Variants in TSNARE1 observed in about 807,000 individuals in gnomAD.
The protein encoded by TSNARE1 is t-SNARE domain-containing protein 1.
In TSNARE1, 49 loss-of-function variants were observed where a neutral mutation model predicts 62.0. The ratio of observed to expected loss-of-function variants is 0.79; its 90% confidence interval spans 0.63 to 1.00. The LOEUF (loss-of-function observed/expected upper bound fraction) is 1.00, where lower values mean the gene tolerates loss of function less well. Ranked by LOEUF, TSNARE1 falls within the 50% of genes least tolerant of loss-of-function variation. The pLI, the probability that TSNARE1 is intolerant of heterozygous loss-of-function variation, is 0.00. For synonymous variants in TSNARE1, 328 were observed against 294.4 expected (o/e 1.11, Z -1.17); for missense variants, 755 against 700.1 (o/e 1.08, Z -0.88).
At chr8:142,360,707 G>A (rs577509646) in intron 1 of TSNARE1, among the ~76,000 whole-genome samples, 117 of 152,224 alleles carry the variant, frequency 7.7e-4, no homozygotes, top group Non-Finnish European at 1.5e-3. Flanking sequence ...AAGCGGCGGT[G>A]CCAGGGAACA....
At chr8:142,261,478 C>A (rs1225480150) in intron 12 of TSNARE1, among the ~76,000 whole-genome samples, 2 of 151,816 alleles carry the variant, frequency 1.3e-5, no homozygotes, top group Non-Finnish European at 2.9e-5. Flanking sequence ...CTGCTGGGAA[C>A]TCAGCACATG....
chr8:142,259,229 C>T (rs1818740454), intron 12 of TSNARE1, among the ~76,000 whole-genome samples: 2 of 152,248 alleles, frequency 1.3e-5, no homozygotes, highest in South Asian at 2.1e-4. Context: ...TGTCTCTACC[C>T]TTCCCTCAGC....
At chr8:142,257,022 C>A (rs945776575) in intron 12 of TSNARE1, among the ~76,000 whole-genome samples, 1 of 152,208 alleles carries the variant, frequency 6.6e-6, no homozygotes, top group African/African-American at 2.4e-5. Context: ...AATTCCCCAC[C>A]ACTTCCAAAC....
intron 7 of TSNARE1, among the ~76,000 whole-genome samples, chr8:142,316,716 T>A (rs1045543769): frequency 6.6e-6 from 1 of 151,734 alleles, no homozygotes. Flanking sequence ...ACAGATTGCA[T>A]TTTCTGGATG....
intron 10 of TSNARE1, among the ~76,000 whole-genome samples, chr8:142,289,520 AC>A (rs1407364257): frequency 6.6e-6 from 1 of 151,990 alleles, no homozygotes; most frequent in Non-Finnish European, 1.5e-5. Flanking sequence ...AGCCCCAGAA[AC>A]CCAGGTCCTG....
chr8:142,327,887 G>A (rs934547104), intron 6 of TSNARE1, among the ~76,000 whole-genome samples: 3 of 152,102 alleles, frequency 2.0e-5, no homozygotes, highest in African/African-American at 4.8e-5. Context: ...CACTGCCATC[G>A]CTGCATGCTG....
Position 142,243,551 on chromosome 8 carries a change from T to C in TSNARE1, c.1447-13972A>G, listed in dbSNP as rs577416139. Among the ~76,000 whole-genome samples, 480 of 146,336 alleles carry C rather than the reference T, an allele frequency of 3.3e-3. 1 individual carries two copies. Among genetic ancestry groups the C allele is most frequent in the Non-Finnish European group, 4.8e-3 (321 of 66,894 alleles). On this transcript the variant is annotated intron_variant, in intron 12 of 13. Coordinates refer to ENST00000524325, the MANE Select transcript of TSNARE1 (RefSeq NM_145003.5). ...TTATACGTAAAATCTAAAAAAAACC[T>C]GAACTCACAGAAGCAGAGAGGGGGA...
chr8:142,355,000 T>G (rs570178450), intron 1 of TSNARE1, among the ~76,000 whole-genome samples: 1 of 151,090 alleles, frequency 6.6e-6, no homozygotes, highest in African/African-American at 2.4e-5. Flanking sequence ...AAACACAGCC[T>G]GAGGAAGGTG....
chr8:142,375,073 C>A (rs1434341619), intron 1 of TSNARE1, among the ~76,000 whole-genome samples: 1 of 152,248 alleles, frequency 6.6e-6, no homozygotes, highest in Admixed American at 6.5e-5. Context: ...CAGTACCCAA[C>A]CAGAAGAAAC....
At chr8:142,274,727 G>T in intron 12 of TSNARE1, 54 bp downstream of exon 12, 1 of 1,438,570 alleles carries the variant, frequency 7.0e-7, no homozygotes, top group South Asian at 1.5e-5. Context: ...AGGGTTGGAG[G>T]ATAGGGGACG....
chr8:142,247,555 T>A (rs1052822261), intron 12 of TSNARE1: 1 of 152,268 alleles, frequency 6.6e-6, no homozygotes, highest in Non-Finnish European at 1.5e-5. Flanking sequence ...GGACAAAACA[T>A]GTCTTGAGTC....
intron 1 of TSNARE1, among the ~76,000 whole-genome samples, chr8:142,357,544 GC>G (rs989182679): frequency 2.6e-5 from 4 of 152,204 alleles, no homozygotes; most frequent in African/African-American, 7.2e-5. Flanking sequence ...AGGAACCAGG[GC>G]CCGGGAGGGA....
intron 13 of TSNARE1, among the ~76,000 whole-genome samples, chr8:142,227,989 C>G (rs1419492519): frequency 1.3e-5 from 2 of 152,222 alleles, no homozygotes; most frequent in African/African-American, 2.4e-5. Context: ...TGGCATCCAC[C>G]CTGTTCCCTT....
intron 2 of TSNARE1, among the ~76,000 whole-genome samples, chr8:142,349,324 A>T (rs1261275985): frequency 1.3e-5 from 2 of 152,268 alleles, no homozygotes; most frequent in African/African-American, 4.8e-5. Context: ...AAAAAAATTT[A>T]AAATACTATA....
intron 12 of TSNARE1, among the ~76,000 whole-genome samples, chr8:142,253,309 A>G (rs1348756563): frequency 1.3e-5 from 2 of 152,220 alleles, no homozygotes; most frequent in Admixed American, 1.3e-4. Context: ...GGCACAGGCC[A>G]GCGTGCGTGC....
intron 10 of TSNARE1, among the ~76,000 whole-genome samples, chr8:142,298,898 TG>T (rs1164098572): frequency 6.6e-6 from 1 of 152,154 alleles, no homozygotes; most frequent in Non-Finnish European, 1.5e-5. Flanking sequence ...TCCACTCCTC[TG>T]GGAACAGTGG....
chr8:142,269,912 G>C (rs1036830514), intron 12 of TSNARE1: 1 of 985,326 alleles, frequency 1.0e-6, no homozygotes, highest in African/African-American at 1.7e-5. Context: ...TGGCTCCAGG[G>C]GAAAACGCAA....
intron 12 of TSNARE1, among the ~76,000 whole-genome samples, chr8:142,255,165 G>A (rs1052573955): frequency 1.3e-5 from 2 of 152,122 alleles, no homozygotes; most frequent in Non-Finnish European, 2.9e-5. Flanking sequence ...CCATGAACCT[G>A]TCAGTAAGAA....
intron 1 of TSNARE1, among the ~76,000 whole-genome samples, chr8:142,367,860 T>C (rs906298133): frequency 6.6e-6 from 1 of 152,218 alleles, no homozygotes; most frequent in Non-Finnish European, 1.5e-5. Flanking sequence ...TGTTCATAAA[T>C]GGTGCTGAGA....
Sources: allele counts gnomAD v4.1 joint callset (sites outside exome capture counted in the v4.1 genomes callset), GRCh38; gene constraint gnomAD v4.1.1; transcripts MANE v1.5; gene names NCBI Gene and HGNC (gene_info 2026-07-23, HGNC 2026-07-21).